DCAF15: variants seen among roughly 807,000 people sequenced by gnomAD.
DCAF15 encodes DDB1 and CUL4 associated factor 15, also known as DDB1- and CUL4-associated factor 15.
In DCAF15, 24 loss-of-function variants were observed where a neutral mutation model predicts 68.0. The observed-to-expected ratio is 0.35, with a 90% CI of 0.26 to 0.50. The LOEUF (loss-of-function observed/expected upper bound fraction) is 0.50. Ranked by LOEUF, DCAF15 falls within the 20% of genes least tolerant of loss-of-function variation. The pLI is 0.98. For synonymous variants in DCAF15, 376 were observed against 341.6 expected, an observed-to-expected ratio of 1.10 and a Z score of -1.11; for missense variants, 627 against 830.6, an observed-to-expected ratio of 0.75 and a Z score of 3.01.
At chr19:13,953,313 G>C in intron 1 of DCAF15, 1 of 587,896 alleles carries the variant, frequency 1.7e-6, no homozygotes, top group Admixed American at 3.5e-5. Flanking sequence ...TTGCAGGTGG[G>C]CAGTAACTGG....
rs574322345 is a variant in DCAF15, at chr19:13,953,150, G to A, written c.132+506G>A. 4.5e-6 allele frequency: 7 copies of A among 1,547,006 alleles called. No homozygotes were observed. In the East Asian group the frequency reaches 1.7e-4, roughly 38 times the overall value. On this transcript the variant is annotated intron_variant, in intron 1 of 12. Transcript: ENST00000254337. ...GGGCCTCCCCATTGAAAGTGTGGGA[G>A]CTCCCTGGATAGGGCTGAGTCTTCC...
At chr19:13,953,448 T>G in intron 1 of DCAF15, 1 of 251,416 alleles carries the variant, frequency 4.0e-6, no homozygotes, top group Non-Finnish European at 7.7e-6. Flanking sequence ...TCTCCGCCCT[T>G]AGCCTGGGAG....
At chr19:13,955,803 G>A (rs1973332649) in intron 3 of DCAF15, 109 bp from the exon 4 acceptor site, 1 of 1,047,598 alleles carries the variant, frequency 9.5e-7, no homozygotes, top group Non-Finnish European at 1.4e-6. Flanking sequence ...GTGCTGTTGG[G>A]GTGCTCCTAC....
rs1973485128 is a variant in DCAF15 at position 13,959,172 on chromosome 19, A to C, written c.912A>C (p.Pro304=). Reference sequence around the variant, plus strand: ...CCAGCTTCTGCCCTGAGGCGGCCCCAGCCCGTTCTTCTGGGTCTCCTGAGC... The same window carrying C: ...CCAGCTTCTGCCCTGAGGCGGCCCCCGCCCGTTCTTCTGGGTCTCCTGAGC... ...ALPSFCPEAA[P]ARSSGSPEPS... Residue 304 remains proline (P), a synonymous_variant, in exon 7 of 13, where the codon CCA becomes CCC. Transcript: ENST00000254337. The C allele has an allele frequency of 6.2e-7, 1 of 1,612,174 alleles. No individual in the cohort carries two copies. Among genetic ancestry groups the C allele is most frequent in the African/African-American group, 1.3e-5 (1 of 74,844 alleles).
At chr19:13,953,185 TGA>T in intron 1 of DCAF15, 2 of 1,495,172 alleles carry the variant, frequency 1.3e-6, no homozygotes, top group Non-Finnish European at 1.8e-6. Context: ...CCCCGCAGAG[TGA>T]GAGTTACCGA....
chr19:13,955,945 A>T lies in DCAF15; in HGVS notation c.400A>T (p.Ile134Phe). 1 of 1,613,658 alleles carries T rather than the reference A, an allele frequency of 6.2e-7. No homozygotes were observed. Among genetic ancestry groups the T allele is most frequent in the Non-Finnish European group, 8.5e-7 (1 of 1,179,956 alleles). Residue 134 changes from isoleucine to phenylalanine, a missense_variant, in exon 4 of 13, where the codon ATC (isoleucine) becomes TTC (phenylalanine). Around this residue, in one of 3 missense-constraint regions of DCAF15, gnomAD observed 273 missense variants for 393.7 expected, o/e 0.69. Coordinates refer to ENST00000254337, the MANE Select transcript of DCAF15 (RefSeq NM_138353.4). ...GGTTCGGCTATTCCAGGACGAGGAG[A>T]TCTACAGCGACCTGTACCTGACCGT... ...RQVRLFQDEE[I>F]YSDLYLTVCE...
intron 1 of DCAF15, chr19:13,952,949 G>T: frequency 2.2e-6 from 2 of 915,534 alleles, no homozygotes; most frequent in Non-Finnish European, 3.2e-6. Context: ...GGGAGAATCA[G>T]GAGGAAGGGG....
In DCAF15 at chr19:13,956,004, C is replaced by T. The variant is rs112921664; in HGVS notation, c.459C>T (p.Ile153=). Residue 153 remains isoleucine (I), a synonymous_variant, in exon 4 of 13, where the codon ATC becomes ATT. Transcript: ENST00000254337. Reference sequence around the variant, plus strand: ...GGCCCAGCGACGCCTCCAAGGTCATCGTCTTCGGCTTCAAGTGAGACCAGG... The same window carrying T: ...GGCCCAGCGACGCCTCCAAGGTCATTGTCTTCGGCTTCAAGTGAGACCAGG... The part of the protein sequence containing the change: ...CEWPSDASKV[I]VFGFNTRSAN... The T allele has an allele frequency of 1.9e-3, 3,031 of 1,613,732 alleles. 52 individuals carry two copies. The African/African-American group carries it at 0.035, about 19-fold the overall frequency.
At position 13,960,383 on chromosome 19, in the gene DCAF15, G is replaced by A; in HGVS notation, c.1623G>A (p.Gly541=). Residue 541 remains glycine, a synonymous_variant, in exon 11 of 13, where the codon GGG becomes GGA. Transcript: ENST00000254337. ...TAGGCGACCTGACTGAGGTCAAAGG[G>A]CAGACCAGGTGAGGCAGGGCTGGGG... is the stretch of plus-strand genomic sequence containing the variant. ...VSVGDLTEVK[G]QTSGSVWSSY... 1.2e-6 allele frequency: 2 copies of A among 1,613,970 alleles called. No homozygotes were observed. The highest frequency in any genetic ancestry group is 1.7e-6 in the Non-Finnish European group (2 of 1,179,982).
Position 13,952,574 on chromosome 19 carries a change from G to C in DCAF15, c.62G>C (p.Gly21Ala), listed in dbSNP as rs1973101475. 9 of 1,265,918 alleles carry C rather than the reference G, an allele frequency of 7.1e-6. No individual in the cohort carries two copies. In the South Asian group the frequency reaches 3.0e-4, roughly 42 times the overall value. 78.4% of individuals were successfully genotyped at this position (1,265,918 alleles called of 1,614,324 possible). ...GCTGGGAGCGGCGGCGGCGGCCCCGGGGGAGCCGGAGGGAAGCGGGCAGCA... is the reference window on the plus strand; with the variant it reads ...GCTGGGAGCGGCGGCGGCGGCCCCGCGGGAGCCGGAGGGAAGCGGGCAGCA... ...SGAGSGGGGPGGAGGKRAAGR... is the reference protein window; with the variant it reads ...SGAGSGGGGPAGAGGKRAAGR... The change falls in exon 1 of 13, where the codon GGG becomes GCG. Residue 21 changes from glycine (G) to alanine (A), a missense_variant. Transcript: ENST00000254337.
At chr19:13,954,239 C>A in intron 1 of DCAF15, 101 bp from the exon 2 acceptor site, 2 of 966,788 alleles carry the variant, frequency 2.1e-6, no homozygotes, top group Non-Finnish European at 1.6e-6. Flanking sequence ...GTGGGCTGGG[C>A]CGGTCTGGAC....
At chr19:13,957,383 C>CA (rs1440084492) in intron 6 of DCAF15, among the ~76,000 whole-genome samples, 1 of 152,112 alleles carries the variant, frequency 6.6e-6, no homozygotes, top group Non-Finnish European at 1.5e-5. Flanking sequence ...CTCCCTCTGG[C>CA]AGAGTCTCAC....
At position 13,959,545 on chromosome 19, in the gene DCAF15, C is replaced by G. The variant is rs763329783; in HGVS notation, c.1220-37C>G. 1.1e-5 allele frequency: 17 copies of G among 1,611,276 alleles called. No homozygotes were observed. The Middle Eastern group carries it at 4.9e-4, about 47-fold the overall frequency. On this transcript the variant is annotated intron_variant, in intron 7 of 12. Coordinates refer to ENST00000254337, the MANE Select transcript of DCAF15 (RefSeq NM_138353.4). The stretch of plus-strand genomic sequence containing the variant: ...AGGCCAGCCCAGACGGGGCCCCTGG[C>G]CTCCCTCCACCCCACCCCCACTTCC...
At position 13,960,377 on chromosome 19, in the gene DCAF15, C is replaced by T. The variant is rs1973568089; in HGVS notation, c.1617C>T (p.Val539=). 3 of 1,613,924 alleles carry T rather than the reference C, an allele frequency of 1.9e-6. No homozygotes were observed. Among genetic ancestry groups the T allele is most frequent in the Non-Finnish European group, 2.5e-6 (3 of 1,179,986 alleles). ...TCAGTGTAGGCGACCTGACTGAGGT[C>T]AAAGGGCAGACCAGGTGAGGCAGGG... The part of the protein sequence containing the change: ...ETVSVGDLTE[V]KGQTSGSVWS... The change falls in exon 11 of 13, where the codon GTC becomes GTT. Residue 539 remains valine (V), a synonymous_variant. Transcript: ENST00000254337.
chr19:13,954,560 T>C lies in DCAF15; in HGVS notation c.265T>C (p.Tyr89His), dbSNP rs868028178. ...CCTGGGCTTTTCCAAATGCGGCCGCTACGTCCTCTCCTACACCAGCAGCAG... is the reference window on the plus strand; with the variant it reads ...CCTGGGCTTTTCCAAATGCGGCCGCCACGTCCTCTCCTACACCAGCAGCAG... ...IFLGFSKCGR[Y>H]VLSYTSSSGD... The change falls in exon 3 of 13, where the codon TAC becomes CAC. Residue 89 changes from tyrosine (Y) to histidine (H), a missense_variant. Tyr to His is a moderately conservative substitution (Grantham distance 83). This residue lies in a region of DCAF15 where 273 missense variants were observed against 393.7 expected (regional missense o/e 0.69). Coordinates refer to ENST00000254337, the MANE Select transcript of DCAF15 (RefSeq NM_138353.4). 8 of 1,614,048 alleles carry C rather than the reference T, an allele frequency of 5.0e-6. No individual in the cohort carries two copies. In the Middle Eastern group the frequency reaches 9.9e-4, roughly 199 times the overall value.
chr19:13,960,961 C>G lies in DCAF15; in HGVS notation c.1769C>G (p.Ala590Gly). 2 of 1,613,956 alleles carry G rather than the reference C, an allele frequency of 1.2e-6. No individual in the cohort carries two copies. Among genetic ancestry groups the G allele is most frequent in the Middle Eastern group, 1.6e-4 (1 of 6,062 alleles). Reference sequence around the variant, plus strand: ...GTAGGGTGCTCCCTGAAGGTTCTGGCGGACAGCGAGCGATATACGTGGATC... The same window carrying G: ...GTAGGGTGCTCCCTGAAGGTTCTGGGGGACAGCGAGCGATATACGTGGATC... Reference protein sequence around the residue: ...LHKGCSLKVLADSERYTWIVL With the variant: ...LHKGCSLKVLGDSERYTWIVL Residue 590 changes from alanine to glycine, a missense_variant, in exon 13 of 13, where the codon GCG becomes GGG. Around this residue, in one of 3 missense-constraint regions of DCAF15, gnomAD observed 118 missense variants for 211.8 expected, o/e 0.56. Coordinates refer to ENST00000254337, the MANE Select transcript of DCAF15 (RefSeq NM_138353.4).
At chr19:13,958,297 G>T (rs1973449185) in intron 6 of DCAF15, among the ~76,000 whole-genome samples, 1 of 152,052 alleles carries the variant, frequency 6.6e-6, no homozygotes, top group Admixed American at 6.6e-5. Flanking sequence ...TTTCTTCCTT[G>T]GCCATTGTCA....
At chr19:13,960,875 G>A (rs1201954091) in intron 12 of DCAF15, 65 bp from the exon 13 acceptor site, 62 of 1,604,484 alleles carry the variant, frequency 3.9e-5, no homozygotes, top group Non-Finnish European at 5.2e-5. Context: ...CAAGTCAGGT[G>A]GAGGGTGTGG....
At position 13,959,135 on chromosome 19, in the gene DCAF15, C is replaced by T; in HGVS notation, c.875C>T (p.Pro292Leu). ...CCTGAGCCCCAGAGCCCAGAGCTGC[C>T]CCCTGCCCTCCCCAGCTTCTGCCCT... The part of the protein sequence containing the change: ...SPPEPQSPEL[P>L]PALPSFCPEA... Residue 292 changes from proline (P) to leucine (L), a missense_variant, in exon 7 of 13, where the codon CCC (proline) becomes CTC (leucine). Transcript: ENST00000254337. The T allele has an allele frequency of 6.2e-7, 1 of 1,612,660 alleles. No homozygotes were observed. Among genetic ancestry groups the T allele is most frequent in the Non-Finnish European group, 8.5e-7 (1 of 1,179,850 alleles).
Sources: allele counts gnomAD v4.1 joint callset (sites outside exome capture counted in the v4.1 genomes callset), GRCh38; gene constraint gnomAD v4.1.1; regional missense constraint gnomAD v4.1.1; transcripts MANE v1.5; gene names NCBI Gene and HGNC (gene_info 2026-07-23, HGNC 2026-07-21).